ARID1B: variants seen among roughly 807,000 people sequenced by gnomAD.
ARID1B encodes AT-rich interaction domain 1B.
Under a neutral mutation model 212.3 loss-of-function variants are expected in ARID1B, and 30 were observed. The ratio of observed to expected loss-of-function variants is 0.14; its 90% CI spans 0.11 to 0.19. The LOEUF (loss-of-function observed/expected upper bound fraction) is 0.19. Ranked by LOEUF, ARID1B falls within the 10% of genes least tolerant of loss-of-function variation. The probability of loss-of-function intolerance (pLI) is 1.00; values close to 1 mark genes in which losing one functional copy is unlikely to be tolerated. For synonymous variants in ARID1B, 1,402 were observed against 1,301.7 expected, an observed-to-expected ratio of 1.08 and a Z score of -1.66; for missense variants, 2,891 against 3,204.0, an observed-to-expected ratio of 0.90 and a Z score of 2.36.
At chr6:157,140,667 G>A (rs974991993) in intron 7 of ARID1B, 2 of 398,528 alleles carry the variant, frequency 5.0e-6, no homozygotes, top group Non-Finnish European at 8.8e-6. Flanking sequence ...CACCTGCCCA[G>A]AACCAGATGG....
At chr6:156,938,600 G>A (rs542924894) in intron 4 of ARID1B, 3 of 152,196 alleles carry the variant, frequency 2.0e-5, no homozygotes, top group Admixed American at 1.3e-4. Flanking sequence ...ATGTAATGAC[G>A]ATGACAAGAA....
At chr6:157,182,796 C>T (rs1792660045) in intron 12 of ARID1B, among the ~76,000 whole-genome samples, 1 of 152,176 alleles carries the variant, frequency 6.6e-6, no homozygotes, top group African/African-American at 2.4e-5. Flanking sequence ...AGACACGCCT[C>T]TCTCTGACCT....
At chr6:157,178,851 G>A (rs925729836) in intron 11 of ARID1B, among the ~76,000 whole-genome samples, 4 of 152,122 alleles carry the variant, frequency 2.6e-5, no homozygotes, top group East Asian at 1.9e-4. Context: ...TCTGTGCCCC[G>A]TTGCTCTGTT....
intron 4 of ARID1B, among the ~76,000 whole-genome samples, chr6:157,009,537 TTTCA>T (rs1210043116): frequency 6.6e-6 from 1 of 152,206 alleles, no homozygotes; most frequent in Non-Finnish European, 1.5e-5. Context: ...GCATATATAG[TTTCA>T]TTCAACAAGT....
chr6:156,804,318 A>C (rs1485593536), intron 1 of ARID1B, among the ~76,000 whole-genome samples: 1 of 151,610 alleles, frequency 6.6e-6, no homozygotes, highest in Non-Finnish European at 1.5e-5. Flanking sequence ...CCTGGGTGAC[A>C]GAGCAAGACT....
intron 4 of ARID1B, among the ~76,000 whole-genome samples, chr6:156,965,132 A>G (rs980648089): frequency 3.3e-5 from 5 of 152,130 alleles, no homozygotes; most frequent in African/African-American, 1.2e-4. Flanking sequence ...TATTTCCTCT[A>G]CTTTTCTTTT....
intron 2 of ARID1B, among the ~76,000 whole-genome samples, chr6:156,835,284 T>C (rs1339312562): frequency 6.6e-6 from 1 of 150,926 alleles, no homozygotes; most frequent in South Asian, 2.1e-4. Context: ...GATTTGTAAA[T>C]TCCTATAATA....
At chr6:157,087,161 C>G (rs139304104) in intron 5 of ARID1B, among the ~76,000 whole-genome samples, 2 of 151,872 alleles carry the variant, frequency 1.3e-5, no homozygotes, top group Non-Finnish European at 2.9e-5. Flanking sequence ...AAAGCTCCAC[C>G]TTTTTTTTGG....
intron 3 of ARID1B, among the ~76,000 whole-genome samples, chr6:156,921,498 G>A (rs927257242): frequency 6.8e-6 from 1 of 146,070 alleles, no homozygotes; most frequent in African/African-American, 2.6e-5. Flanking sequence ...CACACAAAAT[G>A]TAAGGGAATC....
chr6:156,992,563 A>G (rs1289474220), intron 4 of ARID1B, among the ~76,000 whole-genome samples: 1 of 151,938 alleles, frequency 6.6e-6, no homozygotes, highest in African/African-American at 2.4e-5. Flanking sequence ...CACCCCGGGA[A>G]TGGAGGGGAC....
chr6:156,785,540 G>A (rs1220305466), intron 1 of ARID1B, among the ~76,000 whole-genome samples: 1 of 151,352 alleles, frequency 6.6e-6, no homozygotes, highest in South Asian at 2.1e-4. Context: ...TTTTTAAATA[G>A]AGGTAAGCTA....
chr6:157,207,661 C>G lies in ARID1B; in HGVS notation c.6889C>G (p.Gln2297Glu), dbSNP rs1185760264. Residue 2297 changes from glutamine (Q) to glutamate (E), a missense_variant, in exon 20 of 20, where the codon CAG (glutamine) becomes GAG (glutamate). Physicochemically the swap from Gln to Glu is conservative, Grantham distance 29. Transcript: ENST00000636930. The surrounding 1 kb of genome is among the most constrained non-coding windows in gnomAD (Gnocchi z 8.5). ...TGGGGTCACGATGGCCCAGTACCAG[C>G]AGAGCCAGCACAACCTCATGCACAT... The part of the protein sequence containing the change: ...EDGVTMAQYQ[Q>E]SQHNLMHMQP... The G allele has an allele frequency of 6.2e-7, 1 of 1,613,708 alleles. No homozygotes were observed. Among genetic ancestry groups the G allele is most frequent in the Non-Finnish European group, 8.5e-7 (1 of 1,179,764 alleles).
intron 3 of ARID1B, among the ~76,000 whole-genome samples, chr6:156,913,901 C>T (rs563488656): frequency 1.3e-5 from 2 of 151,660 alleles, no homozygotes; most frequent in East Asian, 3.9e-4. Flanking sequence ...GCAACCAGCC[C>T]ATCCCAGCCC....
intron 1 of ARID1B, among the ~76,000 whole-genome samples, chr6:156,828,514 C>T (rs1782917790): frequency 6.6e-6 from 1 of 152,180 alleles, no homozygotes; most frequent in Non-Finnish European, 1.5e-5. Context: ...AGGCTCCACG[C>T]CTAGCCCTCC....
At chr6:157,186,338 G>A (rs1285908582) in intron 13 of ARID1B, 8 of 422,940 alleles carry the variant, frequency 1.9e-5, no homozygotes, top group Middle Eastern at 3.7e-4. Flanking sequence ...TGGACTCCTG[G>A]TATACATTCT....
chr6:156,949,254 T>A (rs1462152985), intron 4 of ARID1B, among the ~76,000 whole-genome samples: 1 of 151,618 alleles, frequency 6.6e-6, no homozygotes, highest in African/African-American at 2.4e-5. Context: ...TTTCATATAA[T>A]TCTGGCCTGT....
At chr6:157,139,249 G>A (rs887742022) in intron 7 of ARID1B, among the ~76,000 whole-genome samples, 5 of 152,194 alleles carry the variant, frequency 3.3e-5, no homozygotes, top group Non-Finnish European at 7.4e-5. Context: ...ACCACCGTAC[G>A]CACCATGTCA....
At chr6:156,810,495 G>GT (rs1261458221) in intron 1 of ARID1B, among the ~76,000 whole-genome samples, 1 of 152,134 alleles carries the variant, frequency 6.6e-6, no homozygotes, top group Non-Finnish European at 1.5e-5. Flanking sequence ...TTCTCCTTTG[G>GT]TTTGTAAACT....
Position 156,955,707 on chromosome 6 carries a change from A to G in ARID1B, c.2247+20131A>G, listed in dbSNP as rs769308657. ...GCCAAGATAAACATCAAGAAAAGGT[A>G]GGAGAACCTATGCCCATCTCCAGAA... On this transcript the variant is annotated intron_variant, in intron 4 of 19. Transcript: ENST00000636930. This position sits in a 1 kb window ranked among gnomAD's most constrained non-coding sequence, Gnocchi z 4.2. Among the ~76,000 whole-genome samples the G allele has an allele frequency of 5.9e-5, 9 of 152,212 alleles. No individual in the cohort carries two copies. Among genetic ancestry groups the G allele is most frequent in the Non-Finnish European group, 1.2e-4 (8 of 68,032 alleles).
Sources: gnomAD v4.1 joint callset for allele counts (sites outside exome capture counted in the v4.1 genomes callset) on GRCh38, gnomAD v4.1.1 for gene constraint, Gnocchi (gnomAD v3.1) non-coding constraint, MANE v1.5 for transcripts, NCBI Gene and HGNC (gene_info 2026-07-23, HGNC 2026-07-21) for gene names.